The following ESR1 variants were observed in gnomAD, a reference collection of about 807,000 sequenced individuals.
ESR1 encodes the protein estrogen receptor 1.
ESR1 carries 12 observed loss-of-function variants against 52.7 expected under a neutral mutation model. The observed-to-expected ratio is 0.23, with a 90% confidence interval of 0.15 to 0.37. ESR1 has a LOEUF of 0.37. ESR1 is among the 10% of genes least tolerant of loss of function. The probability of loss-of-function intolerance (pLI) is 1.00; values close to 1 mark genes in which losing one functional copy is unlikely to be tolerated. For synonymous variants in ESR1, 305 were observed against 316.8 expected, an observed-to-expected ratio of 0.96 and a Z score of 0.39; for missense variants, 584 against 779.7, an observed-to-expected ratio of 0.75 and a Z score of 2.99.
At chr6:151,723,890 G>C (rs932346262) in intron 2 of ESR1, among the ~76,000 whole-genome samples, 3 of 151,892 alleles carry the variant, frequency 2.0e-5, no homozygotes, top group African/African-American at 4.8e-5. Flanking sequence ...ACAAACAAAA[G>C]AACAGTGCTG....
chr6:152,082,993 G>A (rs911244023), intron 6 of ESR1, among the ~76,000 whole-genome samples: 5 of 152,178 alleles, frequency 3.3e-5, no homozygotes, highest in African/African-American at 1.2e-4. Flanking sequence ...AACATTCCAT[G>A]CTCGTGGATA....
At chr6:151,823,444 T>G (rs185660615) in intron 1 of ESR1, among the ~76,000 whole-genome samples, 2 of 152,308 alleles carry the variant, frequency 1.3e-5, no homozygotes, top group Admixed American at 1.3e-4. Flanking sequence ...AAATGACTAT[T>G]ATTTGTTTTT....
chr6:151,736,843 A>T (rs1782717864), intron 2 of ESR1, among the ~76,000 whole-genome samples: 1 of 152,102 alleles, frequency 6.6e-6, no homozygotes, highest in African/African-American at 2.4e-5. Context: ...TAGGCATTTG[A>T]ATTTCGGCAC....
chr6:151,743,593 T>C (rs1178034629), intron 2 of ESR1, among the ~76,000 whole-genome samples: 1 of 152,208 alleles, frequency 6.6e-6, no homozygotes, highest in Admixed American at 6.5e-5. Context: ...TTTTACATAC[T>C]TCATAGAACT....
intron 1 of ESR1, among the ~76,000 whole-genome samples, chr6:151,659,050 G>T (rs1777549115): frequency 6.6e-6 from 1 of 152,164 alleles, no homozygotes; most frequent in African/African-American, 2.4e-5. Flanking sequence ...TTTCGATCTT[G>T]TTGCCCAGGC....
chr6:152,057,951 CAAG>C (rs1427022186), intron 5 of ESR1, among the ~76,000 whole-genome samples: 1 of 152,134 alleles, frequency 6.6e-6, no homozygotes, highest in Non-Finnish European at 1.5e-5. Flanking sequence ...TGAAAAAGGA[CAAG>C]AAGAAAGGAG....
intron 6 of ESR1, among the ~76,000 whole-genome samples, chr6:152,110,130 G>A (rs1393827528): frequency 3.9e-5 from 6 of 152,234 alleles, no homozygotes; most frequent in Non-Finnish European, 7.3e-5. Flanking sequence ...CAGAAATCTT[G>A]TGAATGGCAG....
At chr6:151,709,442 A>G (rs1404674675) in intron 2 of ESR1, among the ~76,000 whole-genome samples, 1 of 152,186 alleles carries the variant, frequency 6.6e-6, no homozygotes, top group East Asian at 1.9e-4. Flanking sequence ...TGTAATAAAC[A>G]TGGGAGTGCA....
chr6:151,969,315 C>A (rs150062265), intron 4 of ESR1, among the ~76,000 whole-genome samples: 1 of 152,164 alleles, frequency 6.6e-6, no homozygotes, highest in East Asian at 1.9e-4. Context: ...GAGTTTGGGT[C>A]CAGAGTCAAA....
chr6:152,122,414 C>T, intron 6 of ESR1: 1 of 1,614,046 alleles, frequency 6.2e-7, no homozygotes. Flanking sequence ...ACCAGCACTT[C>T]TGCAGATGGC....
At chr6:152,067,844 A>T (rs1161768331) in intron 6 of ESR1, among the ~76,000 whole-genome samples, 5 of 152,168 alleles carry the variant, frequency 3.3e-5, no homozygotes, top group Non-Finnish European at 7.4e-5. Context: ...TTTTTAAAAC[A>T]AAAGGAAAAA....
chr6:151,724,574 TCACACACACACATACACA>T (rs898977101), intron 2 of ESR1, among the ~76,000 whole-genome samples: 8 of 144,350 alleles, frequency 5.5e-5, no homozygotes, highest in Admixed American at 4.9e-4. Context: ...ACCCAAACAA[TCACACACACACATACACA>T]CACACACACA....
chr6:152,013,983 A>G (rs1022439579), intron 5 of ESR1, among the ~76,000 whole-genome samples: 2 of 151,972 alleles, frequency 1.3e-5, no homozygotes, highest in African/African-American at 4.8e-5. Flanking sequence ...ACCCGGTGGG[A>G]GGTAACTGAA....
At chr6:151,910,103 G>GT (rs1798043249) in intron 3 of ESR1, among the ~76,000 whole-genome samples, 1 of 151,458 alleles carries the variant, frequency 6.6e-6, no homozygotes, top group Non-Finnish European at 1.5e-5. Context: ...TATGTATCTA[G>GT]TGTGACACTG....
Position 152,061,169 on chromosome 6 carries a change from A to G in ESR1, c.1369+45A>G, listed in dbSNP as rs545677844. ...TAACTCAATGCTGGATGAAATGTTT[A>G]TTTGTAGTTTTCAACCAGATACGAT... On this transcript the variant is annotated intron_variant, in intron 6 of 7. Transcript: ENST00000206249. The surrounding 1 kb of genome is among the most constrained non-coding windows in gnomAD (Gnocchi z 4.3). 2.3e-5 allele frequency: 37 copies of G among 1,601,468 alleles called. No homozygotes were observed. In the South Asian group the frequency reaches 2.6e-4, roughly 11 times the overall value.
At chr6:151,668,148 A>G (rs925781090) in intron 1 of ESR1, among the ~76,000 whole-genome samples, 16 of 152,224 alleles carry the variant, frequency 1.1e-4, no homozygotes, top group African/African-American at 3.9e-4. Flanking sequence ...TAGGAAGTCC[A>G]AGATCAAGGC....
At chr6:151,977,652 T>C (rs1234533005) in intron 4 of ESR1, among the ~76,000 whole-genome samples, 1 of 151,626 alleles carries the variant, frequency 6.6e-6, no homozygotes, top group Non-Finnish European at 1.5e-5. Context: ...AAAATGAGCC[T>C]AGAGTGGTGG....
chr6:151,777,309 C>A (rs1036430996), intron 2 of ESR1, among the ~76,000 whole-genome samples: 1 of 151,646 alleles, frequency 6.6e-6, no homozygotes, highest in Non-Finnish European at 1.5e-5. Flanking sequence ...AGTAGAGACA[C>A]GGTTTTACCA....
At chr6:151,699,194 A>G (rs906754268) in intron 1 of ESR1, among the ~76,000 whole-genome samples, 1 of 152,128 alleles carries the variant, frequency 6.6e-6, no homozygotes, top group Non-Finnish European at 1.5e-5. Flanking sequence ...AATAGAAGTG[A>G]AATTTGTTGT....
Sources: gnomAD v4.1 joint callset for allele counts (sites outside exome capture counted in the v4.1 genomes callset) on GRCh38, gnomAD v4.1.1 for gene constraint, Gnocchi (gnomAD v3.1) non-coding constraint, MANE v1.5 for transcripts, NCBI Gene and HGNC (gene_info 2026-07-23, HGNC 2026-07-21) for gene names.